The following DOK1 variants were observed in gnomAD, a reference collection of about 807,000 sequenced individuals.
DOK1 encodes Downstream of tyrosine kinase 1.
In DOK1, 12 loss-of-function variants were observed where a neutral mutation model predicts 24.0. The observed-to-expected ratio is 0.50, with a 90% CI of 0.32 to 0.81. DOK1 has a LOEUF of 0.81. Ranked by LOEUF, DOK1 falls within the 30% of genes least tolerant of loss-of-function variation. The pLI, the probability that DOK1 is intolerant of heterozygous loss-of-function variation, is 0.03. For synonymous variants in DOK1, 250 were observed against 260.9 expected (o/e 0.96, Z 0.40); for missense variants, 591 against 620.7 (o/e 0.95, Z 0.51).
In DOK1 at chr2:74,549,389, C is replaced by T. The variant is rs1217677531; in HGVS notation, c.-358+217C>T. Reference sequence around the variant, plus strand: ...CTCACCTGTAGAAGGCCGCGTTGACCCTCTTTTCGCTGGGGAAGCCCAGCA... The same window carrying T: ...CTCACCTGTAGAAGGCCGCGTTGACTCTCTTTTCGCTGGGGAAGCCCAGCA... On this transcript the variant is annotated intron_variant, in intron 1 of 4. Transcript: ENST00000409429. This position sits in a 1 kb window ranked among gnomAD's most constrained non-coding sequence, Gnocchi z 5.3. 2.5e-6 allele frequency: 4 copies of T among 1,609,222 alleles called. No homozygotes were observed. In the East Asian group the frequency reaches 6.7e-5, roughly 27 times the overall value.
rs566226106 is a variant in DOK1, at chr2:74,556,734, C to G, written c.1066C>G (p.Pro356Ala). Reference protein sequence around the residue: ...QQLLKAKLTDPKEDPIYDEPE... With the variant: ...QQLLKAKLTDAKEDPIYDEPE... Reference sequence around the variant, plus strand: ...GTTGCTGAAGGCCAAGCTGACAGACCCCAAAGAGGATCCCATCTATGATGA... The same window carrying G: ...GTTGCTGAAGGCCAAGCTGACAGACGCCAAAGAGGATCCCATCTATGATGA... Residue 356 changes from proline to alanine, a missense_variant, in exon 5 of 5, where the codon CCC (proline) becomes GCC (alanine). Transcript: ENST00000233668. The surrounding 1 kb of genome is among the most constrained non-coding windows in gnomAD (Gnocchi z 4.1). The G allele has an allele frequency of 2.7e-5, 44 of 1,614,184 alleles. No homozygotes were observed. The South Asian group carries it at 4.4e-4, about 16-fold the overall frequency.
chr2:74,555,601 C>A lies in DOK1; in HGVS notation c.387C>A (p.Thr129=), dbSNP rs1573040232. 1.2e-6 allele frequency: 2 copies of A among 1,614,194 alleles called. No homozygotes were observed. The highest frequency in any genetic ancestry group is 1.7e-6 in the Non-Finnish European group (2 of 1,180,042). The change falls in exon 3 of 5, where the codon ACC becomes ACA. Residue 129 remains threonine, a synonymous_variant. Transcript: ENST00000233668. The surrounding 1 kb of genome is among the most constrained non-coding windows in gnomAD (Gnocchi z 6.1). ...FPKGSWTLAP[T]DNPPKLSALE... ...AAGGCAGCTGGACTCTGGCGCCTAC[C>A]GATAACCCACCTAAGCTTTCTGCCC...
At chr2:74,553,681 T>TCGAACACC (rs1223983141), upstream of DOK1, among the ~76,000 whole-genome samples, 36 of 152,244 alleles carry the variant, frequency 2.4e-4, no homozygotes, top group African/African-American at 8.4e-4. Context: ...GCGGCCCTGT[T>TCGAACACC]CGAACACCCG....
chr2:74,555,068 G>T lies in DOK1; in HGVS notation c.61-86G>T. The T allele has an allele frequency of 1.3e-6, 2 of 1,496,910 alleles. No individual in the cohort carries two copies. The highest frequency in any genetic ancestry group is 2.6e-5 in the South Asian group (2 of 76,924). The allele number at this position is 1,496,910 out of a possible 1,614,324, so 92.7% of individuals were successfully genotyped here. On this transcript the variant is annotated intron_variant, in intron 1 of 4. Transcript: ENST00000233668. This position sits in a 1 kb window ranked among gnomAD's most constrained non-coding sequence, Gnocchi z 6.1. Reference sequence around the variant, plus strand: ...GTTTGGAAGCCCCAGATCCCAAATCGACTTGCGCCGCAACCTCCTTCCCCG... The same window carrying T: ...GTTTGGAAGCCCCAGATCCCAAATCTACTTGCGCCGCAACCTCCTTCCCCG...
In DOK1 at chr2:74,556,536, G is replaced by C. The variant is rs1295131665; in HGVS notation, c.868G>C (p.Asp290His). The C allele has an allele frequency of 6.2e-7, 1 of 1,614,052 alleles. No individual in the cohort carries two copies. Among genetic ancestry groups the C allele is most frequent in the Non-Finnish European group, 8.5e-7 (1 of 1,180,040 alleles). ...PSPPGPQELL[D>H]SPPALYAEPL... ...CCCACCTGGCCCCCAAGAGCTCCTCGACAGTCCCCCAGCCCTGTATGCTGA... is the reference window on the plus strand; with the variant it reads ...CCCACCTGGCCCCCAAGAGCTCCTCCACAGTCCCCCAGCCCTGTATGCTGA... The change falls in exon 5 of 5, where the codon GAC becomes CAC. Residue 290 changes from aspartate (D) to histidine (H), a missense_variant. Physicochemically the swap from Asp to His is moderately conservative, Grantham distance 81. Coordinates refer to ENST00000233668, the MANE Select transcript of DOK1 (RefSeq NM_001381.5). This position sits in a 1 kb window ranked among gnomAD's most constrained non-coding sequence, Gnocchi z 4.1.
In DOK1 at chr2:74,555,107, C is replaced by T. The variant is rs746305702; in HGVS notation, c.61-47C>T. 1.9e-6 allele frequency: 3 copies of T among 1,565,390 alleles called. No homozygotes were observed. The highest frequency in any genetic ancestry group is 2.6e-6 in the Non-Finnish European group (3 of 1,155,734). On this transcript the variant is annotated intron_variant, in intron 1 of 4. Transcript: ENST00000233668. The surrounding 1 kb of genome is among the most constrained non-coding windows in gnomAD (Gnocchi z 6.1). The stretch of plus-strand genomic sequence containing the variant: ...CCTCCTTCCCCGTCGGGACCCGGGC[C>T]GCCTGCGCACGCCACTCCCTCTCGA...
At position 74,554,827 on chromosome 2, in the gene DOK1, A is replaced by G. The variant is rs763812885; in HGVS notation, c.60+13A>G. The G allele has an allele frequency of 2.5e-6, 4 of 1,613,376 alleles. No individual in the cohort carries two copies. The highest frequency in any genetic ancestry group is 2.2e-5 in the East Asian group (1 of 44,846). Reference sequence around the variant, plus strand: ...CTTTGGGACCAAGGTAGTCTGGCGCATGGATGCCGAACCTTATCCGGGCTA... The same window carrying G: ...CTTTGGGACCAAGGTAGTCTGGCGCGTGGATGCCGAACCTTATCCGGGCTA... On this transcript the variant is annotated intron_variant, in intron 1 of 4. Coordinates refer to ENST00000233668, the MANE Select transcript of DOK1 (RefSeq NM_001381.5). This position sits in a 1 kb window ranked among gnomAD's most constrained non-coding sequence, Gnocchi z 4.9.
upstream of DOK1, among the ~76,000 whole-genome samples, chr2:74,553,435 G>C (rs1677158253): frequency 6.6e-6 from 1 of 152,208 alleles, no homozygotes; most frequent in East Asian, 1.9e-4. Flanking sequence ...GGGTAGGGTT[G>C]TCCCAGCCTC....
In DOK1 at chr2:74,556,628, C is replaced by G. The variant is rs745720895; in HGVS notation, c.960C>G (p.Asp320Glu). 1 of 1,614,236 alleles carries G rather than the reference C, an allele frequency of 6.2e-7. No homozygotes were observed. The highest frequency in any genetic ancestry group is 8.5e-7 in the Non-Finnish European group (1 of 1,180,038). ...ACTCCCTATACTCAGACCCCTTGGACAGCACGTCTGCTCAGGCAGGAGAGG... is the reference window on the plus strand; with the variant it reads ...ACTCCCTATACTCAGACCCCTTGGAGAGCACGTCTGCTCAGGCAGGAGAGG... ...SQDSLYSDPL[D>E]STSAQAGEGV... Residue 320 changes from aspartate to glutamate, a missense_variant, in exon 5 of 5, where the codon GAC becomes GAG. Asp to Glu is a conservative substitution (Grantham distance 45, BLOSUM62 2). Transcript: ENST00000233668. This position sits in a 1 kb window ranked among gnomAD's most constrained non-coding sequence, Gnocchi z 4.1.
Position 74,549,420 on chromosome 2 carries a change from C to T in DOK1, c.-358+248C>T. On this transcript the variant is annotated intron_variant, in intron 1 of 4. Transcript: ENST00000409429. This position sits in a 1 kb window ranked among gnomAD's most constrained non-coding sequence, Gnocchi z 5.3. The stretch of plus-strand genomic sequence containing the variant: ...TTCGCTGGGGAAGCCCAGCATCCCG[C>T]AGACCACGTGGCTGTTGTGGGCGCT... 6.2e-7 allele frequency: 1 copy of T among 1,612,902 alleles called. No individual in the cohort carries two copies. The highest frequency in any genetic ancestry group is 8.5e-7 in the Non-Finnish European group (1 of 1,179,410).
Position 74,549,520 on chromosome 2 carries a change from G to C in DOK1, c.-358+348G>C. The C allele has an allele frequency of 6.2e-7, 1 of 1,613,572 alleles. No individual in the cohort carries two copies. Among genetic ancestry groups the C allele is most frequent in the Non-Finnish European group, 8.5e-7 (1 of 1,179,746 alleles). ...ACCAGCCCCTCCGTCACGGGCAGGG[G>C]TCGTCTGCCCCACCCAACGGCGGGT... On this transcript the variant is annotated intron_variant, in intron 1 of 4. Coordinates refer to the DOK1 transcript ENST00000409429. This position sits in a 1 kb window ranked among gnomAD's most constrained non-coding sequence, Gnocchi z 5.3.
At position 74,554,744 on chromosome 2, in the gene DOK1, C is replaced by T. The variant is rs13416172; in HGVS notation, c.-11C>T. ...CAGGGCCAGGAAGCGCGGAAGGAACCGCCGGGGGCCATGGACGGAGCAGTG... is the reference window on the plus strand; with the variant it reads ...CAGGGCCAGGAAGCGCGGAAGGAACTGCCGGGGGCCATGGACGGAGCAGTG... On this transcript the variant is annotated 5_prime_UTR_variant, in exon 1 of 5. Coordinates refer to ENST00000233668, the MANE Select transcript of DOK1 (RefSeq NM_001381.5). This position sits in a 1 kb window ranked among gnomAD's most constrained non-coding sequence, Gnocchi z 4.9. 8.7e-6 allele frequency: 14 copies of T among 1,613,024 alleles called. No homozygotes were observed. The highest frequency in any genetic ancestry group is 6.7e-5 in the Admixed American group (4 of 60,020).
upstream of DOK1, chr2:74,550,019 G>T (rs549196144): frequency 4.4e-4 from 430 of 985,424 alleles, 1 homozygote; most frequent in Middle Eastern, 1.0e-3. Context: ...CTAAAAACCT[G>T]TTGGATTTTA....
upstream of DOK1, chr2:74,549,818 G>A: frequency 1.0e-6 from 1 of 985,402 alleles, no homozygotes; most frequent in South Asian, 4.7e-5. This position sits in a 1 kb window ranked among gnomAD's most constrained non-coding sequence, Gnocchi z 5.3. Context: ...TAGGAAGGAG[G>A]CCCTCCCTGT....
At position 74,556,898 on chromosome 2, in the gene DOK1, T is replaced by C. The variant is rs745996658; in HGVS notation, c.1230T>C (p.Ala410=). The change falls in exon 5 of 5, where the codon GCT becomes GCC. Residue 410 remains alanine (A), a synonymous_variant. Transcript: ENST00000233668. This position sits in a 1 kb window ranked among gnomAD's most constrained non-coding sequence, Gnocchi z 4.1. ...ACAACCCTGCCACTGATGACTACGC[T>C]GTGCCACCCCCTCGGAGCACAAAGC... ...LPYNPATDDY[A]VPPPRSTKPL... 7 of 1,614,026 alleles carry C rather than the reference T, an allele frequency of 4.3e-6. No individual in the cohort carries two copies. In the Admixed American group the frequency reaches 1.2e-4, roughly 27 times the overall value.
In DOK1 at chr2:74,556,213, G is replaced by T; in HGVS notation, c.640-95G>T. On this transcript the variant is annotated intron_variant, in intron 4 of 4. Coordinates refer to ENST00000233668, the MANE Select transcript of DOK1 (RefSeq NM_001381.5). This position sits in a 1 kb window ranked among gnomAD's most constrained non-coding sequence, Gnocchi z 4.1. ...GGTGACCCCGCGTCTGTTCGCAGGT[G>T]GTCTCTTCTTTGTAGATACCCTAAC... 6.5e-7 allele frequency: 1 copy of T among 1,540,560 alleles called. No homozygotes were observed. The highest frequency in any genetic ancestry group is 8.8e-7 in the Non-Finnish European group (1 of 1,142,606).
Position 74,554,873 on chromosome 2 carries a change from G to T in DOK1, c.60+59G>T. On this transcript the variant is annotated intron_variant, in intron 1 of 4. Transcript: ENST00000233668. This position sits in a 1 kb window ranked among gnomAD's most constrained non-coding sequence, Gnocchi z 4.9. The stretch of plus-strand genomic sequence containing the variant: ...GGCTAGTAGTGGGTGAGAGAGCCCA[G>T]AAACAGGGAGAGGTGGGCAGCGGGC... 1 of 1,603,708 alleles carries T rather than the reference G, an allele frequency of 6.2e-7. No homozygotes were observed. Among genetic ancestry groups the T allele is most frequent in the Non-Finnish European group, 8.5e-7 (1 of 1,175,030 alleles).
chr2:74,555,466 G>A lies in DOK1; in HGVS notation c.360+13G>A, dbSNP rs775222572. 90 of 1,607,686 alleles carry A rather than the reference G, an allele frequency of 5.6e-5. No individual in the cohort carries two copies. The highest frequency in any genetic ancestry group is 6.7e-5 in the Non-Finnish European group (79 of 1,177,746). On this transcript the variant is annotated intron_variant, in intron 2 of 4. Transcript: ENST00000233668. The surrounding 1 kb of genome is among the most constrained non-coding windows in gnomAD (Gnocchi z 6.1). ...AAACGCCTTTCCGGTGAGGAGCTGC[G>A]GCGATGCGGGGTGGGGGCAGTTACA...
At chr2:74,554,575 G>A (rs2104463028), upstream of DOK1, 1 of 623,288 alleles carries the variant, frequency 1.6e-6, no homozygotes, top group Non-Finnish European at 2.8e-6. This position sits in a 1 kb window ranked among gnomAD's most constrained non-coding sequence, Gnocchi z 4.9. Flanking sequence ...TGCAGCTCCC[G>A]GCTAATCCGG....
Sources: allele counts gnomAD v4.1 joint callset (sites outside exome capture counted in the v4.1 genomes callset), GRCh38; gene constraint gnomAD v4.1.1; non-coding constraint Gnocchi (gnomAD v3.1); transcripts MANE v1.5; gene names NCBI Gene and HGNC (gene_info 2026-07-23, HGNC 2026-07-21).